Variants in PBX4 observed in about 807,000 individuals in gnomAD.
PBX4 encodes pre-B-cell leukemia transcription factor 4.
Under a neutral mutation model 35.1 loss-of-function variants are expected in PBX4, and 26 were observed. The ratio of observed to expected loss-of-function variants is 0.74; its 90% confidence interval spans 0.54 to 1.03. The LOEUF is 1.03. Ranked by LOEUF, PBX4 falls within the 50% of genes least tolerant of loss-of-function variation. The probability of loss-of-function intolerance (pLI) is 0.00; values close to 1 mark genes in which losing one functional copy is unlikely to be tolerated. For synonymous variants in PBX4, 199 were observed against 204.2 expected (o/e 0.97, Z 0.22); for missense variants, 448 against 504.3 (o/e 0.89, Z 1.07).
chr19:19,602,505 T>C (rs1014530482), intron 1 of PBX4, among the ~76,000 whole-genome samples: 1 of 152,188 alleles, frequency 6.6e-6, no homozygotes, highest in Non-Finnish European at 1.5e-5. Flanking sequence ...CAGGCTGGAC[T>C]GCAGTGGCCA....
At chr19:19,588,487 C>T (rs2061504813) in intron 2 of PBX4, 1 of 673,428 alleles carries the variant, frequency 1.5e-6, no homozygotes, top group Admixed American at 2.1e-5. Flanking sequence ...CCATGTTGGC[C>T]AGGCTGGTCT....
intron 1 of PBX4, among the ~76,000 whole-genome samples, chr19:19,600,603 G>C (rs978136519): frequency 4.6e-5 from 7 of 151,918 alleles, no homozygotes; most frequent in African/African-American, 9.7e-5. Flanking sequence ...TGGATCGCCT[G>C]AGGTCAGGAA....
At position 19,575,775 on chromosome 19, in the gene PBX4, G is replaced by A. The variant is rs777720284; in HGVS notation, c.194-4942C>T. 8.7e-4 allele frequency among the ~76,000 whole-genome samples: 133 copies of A among 152,272 alleles called. 2 individuals carry two copies. Among genetic ancestry groups the A allele is most frequent in the Admixed American group, 1.5e-3 (23 of 15,286 alleles). ...CTGTTCCCTCGCGGAGCCTTGCACAGCCTCTGACAAGCACAGATGTCCCAC... is the reference window on the plus strand; with the variant it reads ...CTGTTCCCTCGCGGAGCCTTGCACAACCTCTGACAAGCACAGATGTCCCAC... On this transcript the variant is annotated intron_variant, in intron 2 of 7. Transcript: ENST00000251203.
In PBX4 at chr19:19,569,431, G is replaced by A. The variant is rs768497329; in HGVS notation, c.768+18C>T. On this transcript the variant is annotated intron_variant, in intron 5 of 7. Transcript: ENST00000251203. ...ACTCCTCCCAGGCGTGGCGAGACGTGGCAGGAGAGAACGTCACCTGGGAGA... is the reference window on the plus strand; with the variant it reads ...ACTCCTCCCAGGCGTGGCGAGACGTAGCAGGAGAGAACGTCACCTGGGAGA... The A allele has an allele frequency of 2.5e-6, 4 of 1,605,742 alleles. No individual in the cohort carries two copies. The Admixed American group carries it at 6.9e-5, about 28-fold the overall frequency.
chr19:19,592,426 C>T (rs1377247703), intron 2 of PBX4, among the ~76,000 whole-genome samples: 12 of 152,070 alleles, frequency 7.9e-5, no homozygotes, highest in Admixed American at 4.6e-4. Flanking sequence ...CAGAGACCAC[C>T]GCAGGGCAGG....
In PBX4 at chr19:19,563,852, G is replaced by C. The variant is rs1332240299; in HGVS notation, c.926-237C>G. ...TAAGACAGTCTCGCTCTGTCACCCA[G>C]GCTTGAGTGCAGTGGCACGATCTTG... On this transcript the variant is annotated intron_variant, in intron 6 of 7. Transcript: ENST00000251203. This position sits in a 1 kb window ranked among gnomAD's most constrained non-coding sequence, Gnocchi z 5.1. 4.9e-6 allele frequency: 2 copies of C among 404,814 alleles called. No individual in the cohort carries two copies. Among genetic ancestry groups the C allele is most frequent in the Non-Finnish European group, 9.3e-6 (2 of 215,096 alleles). The allele number at this position is 404,814 out of a possible 1,614,324, so 25.1% of individuals were successfully genotyped here.
intron 2 of PBX4, among the ~76,000 whole-genome samples, chr19:19,585,244 G>A (rs758274533): frequency 6.6e-6 from 1 of 151,856 alleles, no homozygotes; most frequent in Non-Finnish European, 1.5e-5. Context: ...AGAATCTCTT[G>A]AACCCGGGAG....
rs2061320467 is a variant in PBX4, at chr19:19,563,411, G to A, written c.1032+98C>T. On this transcript the variant is annotated intron_variant, in intron 7 of 7. Coordinates refer to ENST00000251203, the MANE Select transcript of PBX4 (RefSeq NM_025245.3). This position sits in a 1 kb window ranked among gnomAD's most constrained non-coding sequence, Gnocchi z 5.1. ...GGCCTGTGTGGCTGCTGGGACCTCT[G>A]GGGAAGCTGCCCCAAGGCCGAGGGG... 1 of 969,466 alleles carries A rather than the reference G, an allele frequency of 1.0e-6. No homozygotes were observed. Among genetic ancestry groups the A allele is most frequent in the African/African-American group, 1.6e-5 (1 of 60,664 alleles). The allele number at this position is 969,466 out of a possible 1,614,324, so 60.1% of individuals were successfully genotyped here. A position where few individuals can be genotyped will look rare whatever the true frequency, so the allele number is the denominator to read the frequency against.
chr19:19,595,016 C>T (rs2061552907), intron 2 of PBX4, among the ~76,000 whole-genome samples: 1 of 152,180 alleles, frequency 6.6e-6, no homozygotes, highest in Non-Finnish European at 1.5e-5. Flanking sequence ...GCCACCGCAC[C>T]CAGCCTTTAA....
chr19:19,593,051 G>A (rs1220993332), intron 2 of PBX4, among the ~76,000 whole-genome samples: 2 of 152,220 alleles, frequency 1.3e-5, no homozygotes, highest in African/African-American at 2.4e-5. Context: ...AGGAAGCCCC[G>A]AGCTGCCTGC....
chr19:19,597,787 G>A (rs898962571), intron 2 of PBX4, among the ~76,000 whole-genome samples: 1 of 152,138 alleles, frequency 6.6e-6, no homozygotes, highest in African/African-American at 2.4e-5. Context: ...CCACTTATAA[G>A]CTACTTTCAA....
intron 2 of PBX4, among the ~76,000 whole-genome samples, chr19:19,578,015 TA>T (rs34023797): frequency 0.61 from 44,813 of 73,278 alleles, 12,802 homozygotes; most frequent in African/African-American, 0.65. Context: ...CCATCTCTAC[TA>T]AAAAAAAAAA....
chr19:19,588,739 C>G (rs1331874169), intron 2 of PBX4, among the ~76,000 whole-genome samples: 1 of 152,154 alleles, frequency 6.6e-6, no homozygotes, highest in Non-Finnish European at 1.5e-5. Flanking sequence ...AACATGCACA[C>G]TAACCATGAC....
rs561355646 is a variant in PBX4 at position 19,580,825 on chromosome 19, T to G, written c.194-9992A>C. ...GTGGCACGCTGCAGCCTTGACTTCC[T>G]GGGCTCAAGTGATCCTCCCGCCTCA... On this transcript the variant is annotated intron_variant, in intron 2 of 7. Transcript: ENST00000251203. Among the ~76,000 whole-genome samples, 31 of 152,364 alleles carry G rather than the reference T, an allele frequency of 2.0e-4. No individual in the cohort carries two copies. The South Asian group carries it at 6.4e-3, about 32-fold the overall frequency.
At position 19,563,477 on chromosome 19, in the gene PBX4, C is replaced by A; in HGVS notation, c.1032+32G>T. 1 of 1,477,060 alleles carries A rather than the reference C, an allele frequency of 6.8e-7. No homozygotes were observed. Among genetic ancestry groups the A allele is most frequent in the South Asian group, 1.3e-5 (1 of 79,972 alleles). 91.5% of individuals were successfully genotyped at this position (1,477,060 alleles called of 1,614,324 possible). A position where few individuals can be genotyped will look rare whatever the true frequency, so the allele number is the denominator to read the frequency against. Reference sequence around the variant, plus strand: ...CCCTTTCTGAGAACCTACCACCCACCTGGGCGCTGTGGGACAGTGCCTGAG... The same window carrying A: ...CCCTTTCTGAGAACCTACCACCCACATGGGCGCTGTGGGACAGTGCCTGAG... On this transcript the variant is annotated intron_variant, in intron 7 of 7. Transcript: ENST00000251203. This position sits in a 1 kb window ranked among gnomAD's most constrained non-coding sequence, Gnocchi z 5.1.
intron 1 of PBX4, among the ~76,000 whole-genome samples, chr19:19,605,388 C>T (rs959762175): frequency 6.8e-5 from 10 of 147,254 alleles, no homozygotes; most frequent in African/African-American, 2.5e-4. Context: ...AGCACTCCAG[C>T]CTGGTGACAG....
chr19:19,587,872 T>C (rs780361484), intron 2 of PBX4, among the ~76,000 whole-genome samples: 38 of 152,100 alleles, frequency 2.5e-4, no homozygotes, highest in Non-Finnish European at 5.0e-4. Context: ...TTTTCTCCGA[T>C]ACAGTGTCCC....
At chr19:19,604,181 C>T (rs2061614877) in intron 1 of PBX4, among the ~76,000 whole-genome samples, 1 of 151,918 alleles carries the variant, frequency 6.6e-6, no homozygotes, top group Non-Finnish European at 1.5e-5. Flanking sequence ...TTGATTAACA[C>T]CATGAGAGGT....
intron 1 of PBX4, among the ~76,000 whole-genome samples, chr19:19,610,469 G>A (rs539422134): frequency 6.6e-6 from 1 of 152,082 alleles, no homozygotes; most frequent in East Asian, 1.9e-4. Flanking sequence ...CACAATTCAA[G>A]CTGGGCAAAG....
Sources: allele counts gnomAD v4.1 joint callset (sites outside exome capture counted in the v4.1 genomes callset), GRCh38; gene constraint gnomAD v4.1.1; non-coding constraint Gnocchi (gnomAD v3.1); transcripts MANE v1.5; gene names NCBI Gene and HGNC (gene_info 2026-07-23, HGNC 2026-07-21).